ARHGEF3: variants seen among roughly 807,000 people sequenced by gnomAD.
ARHGEF3 encodes the protein 59.8 kDA protein.
A neutral mutation model predicts 63.2 loss-of-function variants in ARHGEF3; 28 were observed. The ratio of observed to expected loss-of-function variants is 0.44; its 90% CI spans 0.33 to 0.61. The LOEUF (loss-of-function observed/expected upper bound fraction) is 0.61, where lower values mean the gene tolerates loss of function less well. Among genes scored for constraint, ARHGEF3 ranks in the 20% least tolerant of loss-of-function variants. The probability of loss-of-function intolerance (pLI) is 0.03; values close to 1 mark genes in which losing one functional copy is unlikely to be tolerated. For missense variants in ARHGEF3, 533 were observed against 659.3 expected (o/e 0.81, Z 2.10); for synonymous variants, 266 against 254.2 (o/e 1.05, Z -0.44).
At chr3:56,825,862 A>G (rs1457345709) in intron 4 of ARHGEF3, among the ~76,000 whole-genome samples, 6 of 152,168 alleles carry the variant, frequency 3.9e-5, no homozygotes, top group East Asian at 1.9e-4. Flanking sequence ...CCTCTCCCCA[A>G]TTCTCGGAGC....
chr3:56,791,051 C>T (rs1174824567), intron 1 of ARHGEF3, among the ~76,000 whole-genome samples: 1 of 152,074 alleles, frequency 6.6e-6, no homozygotes, highest in Non-Finnish European at 1.5e-5. Flanking sequence ...TTTCTTCTTA[C>T]TATTTATCAC....
intron 2 of ARHGEF3, among the ~76,000 whole-genome samples, chr3:56,995,623 G>C (rs1280834263): frequency 7.8e-3 from 120 of 15,320 alleles, no homozygotes; most frequent in African/African-American, 0.015. Context: ...AATTTTCCGA[G>C]AGAGAGAGAG....
upstream of ARHGEF3, chr3:56,802,013 G>T: frequency 2.4e-6 from 3 of 1,256,894 alleles, no homozygotes; most frequent in Non-Finnish European, 3.1e-6. Context: ...GAGGGGGCGG[G>T]CCGCCGGCTC....
intron 3 of ARHGEF3, among the ~76,000 whole-genome samples, chr3:56,955,744 T>G (rs1371581638): frequency 6.6e-6 from 1 of 152,232 alleles, no homozygotes; most frequent in Non-Finnish European, 1.5e-5. Context: ...AGCTAGATGA[T>G]GCCTCACATG....
chr3:56,890,646 ACT>A (rs1340140062), intron 3 of ARHGEF3, among the ~76,000 whole-genome samples: 6 of 151,986 alleles, frequency 3.9e-5, no homozygotes, highest in Non-Finnish European at 8.8e-5. Flanking sequence ...ATCCACAAAC[ACT>A]CTCAGGATAC....
chr3:56,773,663 T>C, intron 2 of ARHGEF3, 46 bp downstream of exon 2: 1 of 1,481,726 alleles, frequency 6.7e-7, no homozygotes, highest in East Asian at 2.4e-5. Flanking sequence ...TTCCTTCCCG[T>C]ACACCATGAT....
At chr3:56,980,203 A>G (rs182579952) in intron 2 of ARHGEF3, among the ~76,000 whole-genome samples, 1 of 152,364 alleles carries the variant, frequency 6.6e-6, no homozygotes, top group African/African-American at 2.4e-5. Flanking sequence ...CTTATGCCAC[A>G]TTGTGAAAAT....
chr3:56,923,025 A>AAT lies in ARHGEF3; in HGVS notation c.129+35796_129+35797dup, dbSNP rs72294634. On this transcript the variant is annotated intron_variant, in intron 3 of 12. Transcript: ENST00000338458. ...AAATGGCAAAACCCCATCTCTACTA[A>AAT]ATATATATATATATATATATATATA... Among the ~76,000 whole-genome samples, 691 of 90,608 alleles carry AAT rather than the reference A, an allele frequency of 7.6e-3. 6 individuals carry two copies. Among genetic ancestry groups the AAT allele is most frequent in the Non-Finnish European group, 9.4e-3 (443 of 47,076 alleles). 59.4% of individuals were successfully genotyped at this position (90,608 alleles called of 152,430 possible). A position where few individuals can be genotyped will look rare whatever the true frequency, so the allele number is the denominator to read the frequency against.
At chr3:57,053,338 C>G (rs1386100279) in intron 1 of ARHGEF3, among the ~76,000 whole-genome samples, 2 of 152,080 alleles carry the variant, frequency 1.3e-5, no homozygotes, top group African/African-American at 4.8e-5. Context: ...ACACCTGGGG[C>G]AGGGAGGAGC....
At chr3:56,987,339 A>C (rs959858179) in intron 2 of ARHGEF3, among the ~76,000 whole-genome samples, 1 of 152,222 alleles carries the variant, frequency 6.6e-6, no homozygotes, top group African/African-American at 2.4e-5. Flanking sequence ...TGCCGGCCAC[A>C]GGGAGAGCAG....
intron 3 of ARHGEF3, among the ~76,000 whole-genome samples, chr3:56,941,531 C>T (rs559438029): frequency 6.6e-6 from 1 of 152,206 alleles, no homozygotes; most frequent in Non-Finnish European, 1.5e-5. Context: ...CAATGAAACA[C>T]CCCGATGTGT....
At chr3:56,760,847 T>A (rs1367802692) in intron 2 of ARHGEF3, among the ~76,000 whole-genome samples, 1 of 152,188 alleles carries the variant, frequency 6.6e-6, no homozygotes, top group African/African-American at 2.4e-5. Flanking sequence ...TTAGGAATAA[T>A]GGCTGATATC....
intron 2 of ARHGEF3, among the ~76,000 whole-genome samples, chr3:56,986,883 AT>A (rs5849182): frequency 0.4 from 60,284 of 151,760 alleles, 12,442 homozygotes; most frequent in Middle Eastern, 0.51. Context: ...TGGTCCATGG[AT>A]ATTGAATCCT....
At chr3:57,006,714 C>T (rs1702482460) in intron 2 of ARHGEF3, among the ~76,000 whole-genome samples, 1 of 152,206 alleles carries the variant, frequency 6.6e-6, no homozygotes, top group Non-Finnish European at 1.5e-5. Flanking sequence ...AACACAGTCA[C>T]TCGTTCAATG....
chr3:56,830,767 C>A (rs1462386829), intron 4 of ARHGEF3, among the ~76,000 whole-genome samples: 1 of 152,184 alleles, frequency 6.6e-6, no homozygotes, highest in Non-Finnish European at 1.5e-5. Flanking sequence ...TGTTGCCAGG[C>A]CAGGACATTT....
At chr3:57,073,964 C>T in intron 1 of ARHGEF3, 1 of 1,614,232 alleles carries the variant, frequency 6.2e-7, no homozygotes, top group Non-Finnish European at 8.5e-7. Flanking sequence ...AAGCAGCCAT[C>T]TCTCTTGACA....
At chr3:57,023,786 G>A (rs1454538644) in intron 2 of ARHGEF3, among the ~76,000 whole-genome samples, 1 of 152,110 alleles carries the variant, frequency 6.6e-6, no homozygotes, top group African/African-American at 2.4e-5. Flanking sequence ...TACTTCCCAC[G>A]GGGAATGTTA....
chr3:56,733,434 C>A (rs944262454), intron 8 of ARHGEF3, among the ~76,000 whole-genome samples: 3 of 143,432 alleles, frequency 2.1e-5, no homozygotes, highest in Non-Finnish European at 4.5e-5. Context: ...CCAGATCATA[C>A]CACTGCACTT....
chr3:56,943,766 T>C (rs932800745), intron 3 of ARHGEF3, among the ~76,000 whole-genome samples: 3 of 152,074 alleles, frequency 2.0e-5, no homozygotes, highest in South Asian at 2.1e-4. Flanking sequence ...AATACAAACA[T>C]TAGCCAGGTG....
Sources: allele counts gnomAD v4.1 joint callset (sites outside exome capture counted in the v4.1 genomes callset), GRCh38; gene constraint gnomAD v4.1.1; transcripts MANE v1.5; gene names NCBI Gene and HGNC (gene_info 2026-07-23, HGNC 2026-07-21).